The following RANBP2 variants were observed in gnomAD, a reference collection of about 807,000 sequenced individuals.
RANBP2 encodes the protein RAN binding protein 2.
RANBP2 carries 57 observed loss-of-function variants against 303.6 expected under a neutral mutation model. The observed-to-expected ratio is 0.19, with a 90% CI of 0.15 to 0.23. The LOEUF (loss-of-function observed/expected upper bound fraction) is 0.23, where lower values mean the gene tolerates loss of function less well. Among genes scored for constraint, RANBP2 ranks in the 10% least tolerant of loss-of-function variants. The pLI, the probability that RANBP2 is intolerant of heterozygous loss-of-function variation, is 1.00. For synonymous variants in RANBP2, 1,167 were observed against 1,301.5 expected (o/e 0.90, Z 2.23); for missense variants, 3,138 against 3,780.8 (o/e 0.83, Z 4.46).
At chr2:109,523,637 G>C in the RANBP2 span, among the ~76,000 whole-genome samples, 8 of 152,058 alleles carry the variant, frequency 5.3e-5, no homozygotes, top group African/African-American at 1.9e-4. Context: ...ATTCCCACTG[G>C]ACACATGAGC....
chr2:109,129,547 CT>C, the RANBP2 span: 1 of 1,495,912 alleles, frequency 6.7e-7, no homozygotes, highest in Non-Finnish European at 8.8e-7. Flanking sequence ...CCCCATGCTG[CT>C]CGGAGCGTCC....
the RANBP2 span, among the ~76,000 whole-genome samples, chr2:109,219,930 A>G: frequency 6.6e-6 from 1 of 152,262 alleles, no homozygotes; most frequent in African/African-American, 2.4e-5. Flanking sequence ...AAAGCACTCT[A>G]AAATTTATAT....
the RANBP2 span, among the ~76,000 whole-genome samples, chr2:109,726,882 C>G: frequency 6.6e-6 from 1 of 152,216 alleles, no homozygotes; most frequent in Non-Finnish European, 1.5e-5. Context: ...TGCCCTCACA[C>G]TGGCTGCATG....
At chr2:109,071,933 G>A in the RANBP2 span, among the ~76,000 whole-genome samples, 1 of 152,142 alleles carries the variant, frequency 6.6e-6, no homozygotes, top group Non-Finnish European at 1.5e-5. Context: ...AAGCAAAAGG[G>A]TGTTATCATA....
the RANBP2 span, among the ~76,000 whole-genome samples, chr2:109,417,328 G>A: frequency 6.6e-6 from 1 of 152,124 alleles, no homozygotes; most frequent in African/African-American, 2.4e-5. Flanking sequence ...CCGGCTCTGG[G>A]GAGTTCTCTA....
In RANBP2 at chr2:108,763,584, A is replaced by G. The variant is rs1349810139; in HGVS notation, c.3045A>G (p.Leu1015=). The part of the protein sequence containing the change: ...NFVQPMPGEG[L]RPSLPTQAHT... Reference sequence around the variant, plus strand: ...TTCAGCCCATGCCGGGTGAAGGATTAAGGCCATCTTTGCCAACACAAGCAC... The same window carrying G: ...TTCAGCCCATGCCGGGTGAAGGATTGAGGCCATCTTTGCCAACACAAGCAC... The change falls in exon 20 of 29, where the codon TTA becomes TTG. Residue 1015 remains leucine (L), a synonymous_variant. Transcript: ENST00000283195. 3 of 1,614,120 alleles carry G rather than the reference A, an allele frequency of 1.9e-6. No homozygotes were observed. The highest frequency in any genetic ancestry group is 2.2e-5 in the East Asian group (1 of 44,878).
the RANBP2 span, among the ~76,000 whole-genome samples, chr2:109,095,625 A>T: frequency 7.9e-5 from 12 of 152,190 alleles, no homozygotes; most frequent in African/African-American, 2.9e-4. Context: ...TTAAAATGAA[A>T]GCACACTAAC....
At chr2:109,428,603 G>A in the RANBP2 span, among the ~76,000 whole-genome samples, 4 of 152,212 alleles carry the variant, frequency 2.6e-5, no homozygotes, top group African/African-American at 9.6e-5. Flanking sequence ...CTCAAGAGGC[G>A]CTTTTTCTCA....
At chr2:109,430,413 CCTTT>C in the RANBP2 span, among the ~76,000 whole-genome samples, 214 of 152,288 alleles carry the variant, frequency 1.4e-3, 1 homozygote, top group African/African-American at 5.1e-3. Context: ...CTTCTGCCTT[CCTTT>C]GCCTCAGCCC....
the RANBP2 span, among the ~76,000 whole-genome samples, chr2:109,037,955 C>T: frequency 1.3e-5 from 2 of 152,120 alleles, no homozygotes; most frequent in African/African-American, 4.8e-5. Flanking sequence ...AATCTTATCC[C>T]AAATTTACAT....
chr2:109,005,465 T>G, the RANBP2 span, among the ~76,000 whole-genome samples: 1 of 152,178 alleles, frequency 6.6e-6, no homozygotes, highest in African/African-American at 2.4e-5. Flanking sequence ...TTCTTTGACC[T>G]CCCATCCTTC....
intron 18 of RANBP2, among the ~76,000 whole-genome samples, chr2:108,759,850 C>G (rs1468696589): frequency 3.3e-5 from 5 of 152,114 alleles, no homozygotes; most frequent in Non-Finnish European, 7.4e-5. Flanking sequence ...CTTCTGTGTA[C>G]AGGCATAAAA....
chr2:108,959,291 C>G, the RANBP2 span, among the ~76,000 whole-genome samples: 1 of 152,312 alleles, frequency 6.6e-6, no homozygotes, highest in East Asian at 1.9e-4. Context: ...GATCTGGGAA[C>G]TCTTACAGCC....
the RANBP2 span, among the ~76,000 whole-genome samples, chr2:109,691,422 C>T: frequency 6.6e-6 from 1 of 152,140 alleles, no homozygotes; most frequent in African/African-American, 2.4e-5. Context: ...TGGGGCTGGT[C>T]TCTGAGCTCA....
At chr2:109,497,557 A>G in the RANBP2 span, among the ~76,000 whole-genome samples, 251 of 152,348 alleles carry the variant, frequency 1.6e-3, 1 homozygote, top group Admixed American at 2.4e-3. Context: ...TTGCTGATTT[A>G]TGACGCACAG....
the RANBP2 span, among the ~76,000 whole-genome samples, chr2:109,640,097 ATT>A: frequency 1.4e-5 from 2 of 146,022 alleles, no homozygotes; most frequent in Admixed American, 6.9e-5. Context: ...TCTGCCTTCT[ATT>A]TTTTTTTTTC....
At chr2:108,778,823 C>T (rs1678048944) in intron 25 of RANBP2, among the ~76,000 whole-genome samples, 1 of 150,930 alleles carries the variant, frequency 6.6e-6, no homozygotes. Context: ...ACCTCCTGGG[C>T]TCTAAAGCAA....
chr2:108,925,694 C>A, the RANBP2 span, among the ~76,000 whole-genome samples: 7 of 152,016 alleles, frequency 4.6e-5, no homozygotes, highest in Non-Finnish European at 8.8e-5. Flanking sequence ...CTTGGCTCAC[C>A]GCAACTTCCG....
chr2:108,879,930 A>T, the RANBP2 span, among the ~76,000 whole-genome samples: 3 of 152,154 alleles, frequency 2.0e-5, no homozygotes, highest in Non-Finnish European at 4.4e-5. Flanking sequence ...GAAGATTTTT[A>T]TTTTCAGCAG....
Sources: allele counts gnomAD v4.1 joint callset (sites outside exome capture counted in the v4.1 genomes callset), GRCh38; gene constraint gnomAD v4.1.1; transcripts MANE v1.5; gene names NCBI Gene and HGNC (gene_info 2026-07-23, HGNC 2026-07-21).